The following LCLAT1 variants were observed in gnomAD, a reference collection of about 807,000 sequenced individuals.
The protein encoded by LCLAT1 is 1-AGP acyltransferase 8.
LCLAT1 carries 11 observed loss-of-function variants against 30.7 expected under a neutral mutation model. That is an observed-to-expected ratio of 0.36 (90% CI 0.23 to 0.59). The LOEUF (loss-of-function observed/expected upper bound fraction) is 0.59, where lower values mean the gene tolerates loss of function less well. Ranked by LOEUF, LCLAT1 falls within the 20% of genes least tolerant of loss-of-function variation. LCLAT1 has a pLI of 0.77. For synonymous variants in LCLAT1, 155 were observed against 151.3 expected (o/e 1.02, Z -0.18); for missense variants, 402 against 458.6 (o/e 0.88, Z 1.13).
intron 1 of LCLAT1, among the ~76,000 whole-genome samples, chr2:30,463,168 A>G (rs1429699650): frequency 6.6e-6 from 1 of 151,856 alleles, no homozygotes; most frequent in East Asian, 1.9e-4. Context: ...TAAAAAATAT[A>G]TGAAGAACAG....
Position 30,562,181 on chromosome 2 carries a change from C to G in LCLAT1, c.400C>G (p.His134Asp), listed in dbSNP as rs1665258910. Reference protein sequence around the residue: ...AMQAAAYIFIHRKWKDDKSHF... With the variant: ...AMQAAAYIFIDRKWKDDKSHF... ...GCAGGCTGCTGCCTATATCTTCATT[C>G]ATAGGAAATGGAAGGATGACAAGAG... Residue 134 changes from histidine (H) to aspartate (D), a missense_variant, in exon 4 of 6, where the codon CAT (histidine) becomes GAT (aspartate). By Grantham distance (81) the His-to-Asp change is moderately conservative (BLOSUM62 -1). Coordinates refer to ENST00000379509, the MANE Select transcript of LCLAT1 (RefSeq NM_001002257.3). 3.1e-6 allele frequency: 5 copies of G among 1,612,552 alleles called. No homozygotes were observed. The highest frequency in any genetic ancestry group is 4.2e-6 in the Non-Finnish European group (5 of 1,178,932).
At chr2:30,533,551 G>A (rs1449524316) in intron 3 of LCLAT1, among the ~76,000 whole-genome samples, 2 of 152,194 alleles carry the variant, frequency 1.3e-5, no homozygotes, top group African/African-American at 4.8e-5. Context: ...TGGATATATA[G>A]TATCTGAGGA....
intron 5 of LCLAT1, among the ~76,000 whole-genome samples, chr2:30,595,978 T>G (rs1666912088): frequency 6.6e-6 from 1 of 152,232 alleles, no homozygotes; most frequent in African/African-American, 2.4e-5. Context: ...ATCTCACTCC[T>G]GTTGATGACA....
At chr2:30,578,769 G>A (rs1270858638) in intron 5 of LCLAT1, among the ~76,000 whole-genome samples, 1 of 152,054 alleles carries the variant, frequency 6.6e-6, no homozygotes, top group African/African-American at 2.4e-5. Context: ...GTGAGTACAT[G>A]GAAATTACTC....
chr2:30,491,524 C>G (rs992247222), intron 1 of LCLAT1, among the ~76,000 whole-genome samples: 5 of 152,116 alleles, frequency 3.3e-5, no homozygotes, highest in South Asian at 2.1e-4. Flanking sequence ...GGTATTGCCT[C>G]ATTAAACTAG....
chr2:30,480,580 C>T (rs895287100), intron 1 of LCLAT1, among the ~76,000 whole-genome samples: 3 of 152,146 alleles, frequency 2.0e-5, no homozygotes, highest in Non-Finnish European at 2.9e-5. Flanking sequence ...TTAAGCCCTC[C>T]ATCAAGTAGA....
intron 1 of LCLAT1, among the ~76,000 whole-genome samples, chr2:30,448,529 C>T (rs1050388182): frequency 6.6e-6 from 1 of 152,122 alleles, no homozygotes; most frequent in African/African-American, 2.4e-5. Context: ...CTGAGAAAAA[C>T]GTAATAGCGC....
chr2:30,499,524 T>C (rs966766225), intron 1 of LCLAT1, among the ~76,000 whole-genome samples: 6 of 152,288 alleles, frequency 3.9e-5, no homozygotes, highest in Admixed American at 3.9e-4. Flanking sequence ...CTTCTTGGGA[T>C]TTTTGGATAA....
intron 1 of LCLAT1, among the ~76,000 whole-genome samples, chr2:30,481,215 A>G (rs1035447684): frequency 1.3e-5 from 2 of 152,210 alleles, no homozygotes; most frequent in African/African-American, 4.8e-5. Flanking sequence ...CTCTAGGCTC[A>G]ATGGAAAGCC....
intron 1 of LCLAT1, among the ~76,000 whole-genome samples, chr2:30,482,990 T>C (rs1444771589): frequency 2.6e-5 from 4 of 152,100 alleles, no homozygotes; most frequent in East Asian, 3.9e-4. Flanking sequence ...GATGGCTAAA[T>C]GTAATGTGGT....
At chr2:30,509,527 C>T (rs1336315829) in intron 1 of LCLAT1, among the ~76,000 whole-genome samples, 3 of 152,062 alleles carry the variant, frequency 2.0e-5, no homozygotes, top group Non-Finnish European at 4.4e-5. Context: ...TTTCTAAATT[C>T]ACCATGTGTT....
rs570506826 is a variant in LCLAT1, at chr2:30,470,600, G to A, written c.-5+23217G>A. 3.3e-5 allele frequency among the ~76,000 whole-genome samples: 5 copies of A among 152,326 alleles called. No individual in the cohort carries two copies. In the East Asian group the frequency reaches 7.7e-4, roughly 24 times the overall value. On this transcript the variant is annotated intron_variant, in intron 1 of 5. Coordinates refer to ENST00000379509, the MANE Select transcript of LCLAT1 (RefSeq NM_001002257.3). ...TTAGAAGCAAGATGGAGTCAGCTAC[G>A]TTAGGGTTTTCTCACTGTTATAATT...
chr2:30,564,996 A>G (rs1665409562), intron 4 of LCLAT1, among the ~76,000 whole-genome samples: 1 of 152,130 alleles, frequency 6.6e-6, no homozygotes, highest in East Asian at 1.9e-4. Flanking sequence ...CACTATTTTA[A>G]TTTTGGTCCA....
At position 30,510,356 on chromosome 2, in the gene LCLAT1, G is replaced by T. The variant is rs1572547614; in HGVS notation, c.-4-15231G>T. ...CCAACTACTCTAACACTTGCTACAG[G>T]GACGGGTTGGAAATAATTTTCTTTA... On this transcript the variant is annotated intron_variant, in intron 1 of 5. Transcript: ENST00000379509. 3.9e-5 allele frequency among the ~76,000 whole-genome samples: 6 copies of T among 152,294 alleles called. No individual in the cohort carries two copies. The South Asian group carries it at 1.2e-3, about 32-fold the overall frequency.
chr2:30,529,135 C>T (rs954266749), intron 2 of LCLAT1, among the ~76,000 whole-genome samples: 1 of 152,100 alleles, frequency 6.6e-6, no homozygotes, highest in African/African-American at 2.4e-5. Flanking sequence ...AAATAATTTT[C>T]CACTAAAAAT....
At chr2:30,635,245 A>AATATAT (rs34490305) in intron 5 of LCLAT1, among the ~76,000 whole-genome samples, 1 of 148,244 alleles carries the variant, frequency 6.7e-6, no homozygotes, top group Admixed American at 6.8e-5. Context: ...TATATACACA[A>AATATAT]ATATATATAT....
rs1686066187 is a variant in LCLAT1 at position 30,533,212 on chromosome 2, A to G, written c.262A>G (p.Arg88Gly). Reference sequence around the variant, plus strand: ...TGTCATTATCATGAACCATCGGACAAGAATGGACTGGATGTTCCTGTGGAA... The same window carrying G: ...TGTCATTATCATGAACCATCGGACAGGAATGGACTGGATGTTCCTGTGGAA... ...RSVIIMNHRT[R>G]MDWMFLWNCL... is the part of the protein sequence containing the mutation. Residue 88 changes from arginine to glycine, a missense_variant, in exon 3 of 6, where the codon AGA (arginine) becomes GGA (glycine). Arg to Gly is a moderately radical substitution (Grantham distance 125). Transcript: ENST00000379509. 6.2e-7 allele frequency: 1 copy of G among 1,613,956 alleles called. No homozygotes were observed. The highest frequency in any genetic ancestry group is 8.5e-7 in the Non-Finnish European group (1 of 1,179,898).
In LCLAT1 at chr2:30,488,818, A is replaced by G. The variant is rs1357644263; in HGVS notation, c.-4-36769A>G. On this transcript the variant is annotated intron_variant, in intron 1 of 5. Coordinates refer to ENST00000379509, the MANE Select transcript of LCLAT1 (RefSeq NM_001002257.3). The stretch of plus-strand genomic sequence containing the variant: ...TCAGCAATCCTGAATTCTGTCCTCA[A>G]TGTCTGTTTCCAATATCATTACTAT... Among the ~76,000 whole-genome samples the G allele has an allele frequency of 2.0e-5, 3 of 152,348 alleles. No homozygotes were observed. In the East Asian group the frequency reaches 5.8e-4, roughly 29 times the overall value.
intron 1 of LCLAT1, chr2:30,476,493 CTG>C (rs1254585637): frequency 1.5e-5 from 7 of 456,540 alleles, no homozygotes; most frequent in East Asian, 6.9e-5. Context: ...GGCCCTATAA[CTG>C]TGCTTGCAGG....
Sources: allele counts gnomAD v4.1 joint callset (sites outside exome capture counted in the v4.1 genomes callset), GRCh38; gene constraint gnomAD v4.1.1; transcripts MANE v1.5; gene names NCBI Gene and HGNC (gene_info 2026-07-23, HGNC 2026-07-21).